The following NEBL variants were observed in gnomAD, a reference collection of about 807,000 sequenced individuals.
The protein encoded by NEBL is LIM and SH3 protein 2.
NEBL carries 122 observed loss-of-function variants against 140.2 expected under a neutral mutation model. That is an observed-to-expected ratio of 0.87 (90% confidence interval 0.75 to 1.01). The LOEUF is 1.01. Among genes scored for constraint, NEBL ranks in the 50% least tolerant of loss-of-function variants. The probability of loss-of-function intolerance (pLI) is 0.00; values close to 1 mark genes in which losing one functional copy is unlikely to be tolerated. For synonymous variants in NEBL, 436 were observed against 398.9 expected (o/e 1.09, Z -1.11); for missense variants, 1,365 against 1,231.3 (o/e 1.11, Z -1.62).
chr10:20,885,729 C>A (rs763457469), intron 4 of NEBL, among the ~76,000 whole-genome samples: 2 of 152,108 alleles, frequency 1.3e-5, no homozygotes, highest in Non-Finnish European at 2.9e-5. Flanking sequence ...CCTTTTCTTT[C>A]GTTATTGCTT....
At chr10:20,985,332 G>GATCACAGC (rs1265665083) in intron 3 of NEBL, among the ~76,000 whole-genome samples, 1 of 152,014 alleles carries the variant, frequency 6.6e-6, no homozygotes, top group African/African-American at 2.4e-5. Context: ...ACCTCAAATG[G>GATCACAGC]ATCACAGCAA....
intron 4 of NEBL, among the ~76,000 whole-genome samples, chr10:20,906,131 G>C (rs80053609): frequency 6.6e-6 from 1 of 152,054 alleles, no homozygotes; most frequent in African/African-American, 2.4e-5. Flanking sequence ...AAATTCATTC[G>C]TATTATGTAG....
At chr10:21,002,786 C>T (rs1322841681) in intron 3 of NEBL, among the ~76,000 whole-genome samples, 1 of 151,394 alleles carries the variant, frequency 6.6e-6, no homozygotes, top group Non-Finnish European at 1.5e-5. Context: ...GGGAAATCTG[C>T]CCCCATGATT....
chr10:21,126,884 G>A (rs473020), intron 2 of NEBL, among the ~76,000 whole-genome samples: 72,901 of 150,626 alleles, frequency 0.48, 21,216 homozygotes, highest in African/African-American at 0.81. Context: ...CTAAGGCAGG[G>A]GAATCGCTTG....
At chr10:20,819,661 T>G (rs1014842018) in intron 19 of NEBL, 145 bp from the exon 20 acceptor site, 2 of 1,013,838 alleles carry the variant, frequency 2.0e-6, no homozygotes, top group Non-Finnish European at 3.0e-6. Context: ...AAATATGTAT[T>G]GCTTATAGAT....
At chr10:20,940,034 A>G (rs1396854537) in intron 4 of NEBL, among the ~76,000 whole-genome samples, 1 of 150,568 alleles carries the variant, frequency 6.6e-6, no homozygotes, top group Non-Finnish European at 1.5e-5. Flanking sequence ...AACGAGACAG[A>G]AAGTTAACAA....
intron 2 of NEBL, among the ~76,000 whole-genome samples, chr10:21,160,411 A>G (rs1302069780): frequency 6.6e-6 from 1 of 152,180 alleles, no homozygotes; most frequent in Non-Finnish European, 1.5e-5. Flanking sequence ...AAAAAAGACC[A>G]CAGAGGCAAA....
At chr10:20,821,249 A>G (rs1224459627) in intron 19 of NEBL, among the ~76,000 whole-genome samples, 1 of 152,230 alleles carries the variant, frequency 6.6e-6, no homozygotes, top group Admixed American at 6.5e-5. Flanking sequence ...CCCTTCACAA[A>G]CATGCTGTGT....
intron 3 of NEBL, among the ~76,000 whole-genome samples, chr10:21,193,009 C>T (rs558588505): frequency 1.3e-5 from 2 of 152,068 alleles, no homozygotes; most frequent in Non-Finnish European, 2.9e-5. Flanking sequence ...AGGACTGACT[C>T]GATGTTGAAT....
chr10:20,924,413 TAAAAAAAAA>T (rs71390800), intron 4 of NEBL, among the ~76,000 whole-genome samples: 2 of 59,060 alleles, frequency 3.4e-5, no homozygotes, highest in Admixed American at 2.8e-4. Flanking sequence ...AGGCATGAAG[TAAAAAAAAA>T]AAAAAAAAAA....
chr10:20,838,054 T>C (rs1232409108), intron 13 of NEBL, among the ~76,000 whole-genome samples: 1 of 152,200 alleles, frequency 6.6e-6, no homozygotes, highest in Non-Finnish European at 1.5e-5. Context: ...CTACTCAACA[T>C]CCATTCTGCA....
intron 1 of NEBL, among the ~76,000 whole-genome samples, chr10:21,288,680 A>G (rs1843093825): frequency 6.8e-6 from 1 of 147,518 alleles, no homozygotes; most frequent in Non-Finnish European, 1.5e-5. Flanking sequence ...GAATTGCTCA[A>G]ACCCAGGAGG....
At chr10:21,278,839 C>T (rs1198518076) in intron 1 of NEBL, among the ~76,000 whole-genome samples, 1 of 152,096 alleles carries the variant, frequency 6.6e-6, no homozygotes, top group African/African-American at 2.4e-5. Context: ...AGAATCAGGC[C>T]TCCTCACTCC....
chr10:21,216,108 C>T (rs186339862), intron 3 of NEBL, among the ~76,000 whole-genome samples: 3 of 152,258 alleles, frequency 2.0e-5, no homozygotes, highest in Admixed American at 6.5e-5. Flanking sequence ...CAAGTTGCCA[C>T]GGTATGCAGT....
intron 3 of NEBL, among the ~76,000 whole-genome samples, chr10:21,233,463 C>G (rs1049740375): frequency 2.0e-5 from 3 of 151,810 alleles, no homozygotes; most frequent in African/African-American, 7.3e-5. Flanking sequence ...TCCATACTAA[C>G]ACACATCCAG....
At chr10:20,941,476 C>A (rs1163060537) in intron 4 of NEBL, among the ~76,000 whole-genome samples, 1 of 152,168 alleles carries the variant, frequency 6.6e-6, no homozygotes, top group East Asian at 1.9e-4. Flanking sequence ...CAGCCAATAT[C>A]ATACCAAATG....
At chr10:20,820,768 T>C (rs1056145574) in intron 19 of NEBL, among the ~76,000 whole-genome samples, 1 of 151,966 alleles carries the variant, frequency 6.6e-6, no homozygotes, top group Non-Finnish European at 1.5e-5. Flanking sequence ...GAGGTTGCAG[T>C]GAACTGAGAT....
intron 2 of NEBL, among the ~76,000 whole-genome samples, chr10:21,110,251 CT>C (rs1837933274): frequency 6.6e-6 from 1 of 152,076 alleles, no homozygotes; most frequent in Non-Finnish European, 1.5e-5. Context: ...TTCCTTCAAT[CT>C]TTGTTAGAAC....
chr10:21,260,697 T>C (rs1842727379), intron 1 of NEBL, among the ~76,000 whole-genome samples: 1 of 152,148 alleles, frequency 6.6e-6, no homozygotes. Context: ...CGAGCCCTTC[T>C]CTTCTGCACC....
Sources: allele counts gnomAD v4.1 joint callset (sites outside exome capture counted in the v4.1 genomes callset), GRCh38; gene constraint gnomAD v4.1.1; transcripts MANE v1.5; gene names NCBI Gene and HGNC (gene_info 2026-07-23, HGNC 2026-07-21).